F13A1: variants seen among roughly 807,000 people sequenced by gnomAD.
The protein encoded by F13A1 is coagulation factor XIII A chain, also known as FSF, A subunit.
Under a neutral mutation model 80.1 loss-of-function variants are expected in F13A1, and 47 were observed. The ratio of observed to expected loss-of-function variants is 0.59; its 90% confidence interval spans 0.46 to 0.75. The LOEUF is 0.75. Ranked by LOEUF, F13A1 falls within the 30% of genes least tolerant of loss-of-function variation. The probability of loss-of-function intolerance (pLI) is 0.00; values close to 1 mark genes in which losing one functional copy is unlikely to be tolerated. For synonymous variants in F13A1, 349 were observed against 344.9 expected (o/e 1.01, Z -0.13); for missense variants, 817 against 930.4 (o/e 0.88, Z 1.59).
rs534616313 is a variant in F13A1 at position 6,145,484 on chromosome 6, C to T, written c.*135G>A. ...CATGTTTTTGAAATATGTGGGATCTCCACTCTGGAGCCCTCTGCAGTCCTG... is the reference window on the plus strand; with the variant it reads ...CATGTTTTTGAAATATGTGGGATCTTCACTCTGGAGCCCTCTGCAGTCCTG... On this transcript the variant is annotated 3_prime_UTR_variant, in exon 15 of 15. Coordinates refer to ENST00000264870, the MANE Select transcript of F13A1 (RefSeq NM_000129.4). 1 of 1,103,702 alleles carries T rather than the reference C, an allele frequency of 9.1e-7. No individual in the cohort carries two copies. Among genetic ancestry groups the T allele is most frequent in the East Asian group, 2.4e-5 (1 of 41,492 alleles). The allele number at this position is 1,103,702 out of a possible 1,614,324, so 68.4% of individuals were successfully genotyped here.
Position 6,317,390 on chromosome 6 carries a change from C to T in F13A1, c.130+1145G>A, listed in dbSNP as rs759048972. ...GAGACAGATTTCAGAACTACAAGTTCGTCTTAGCCCCTCAAACTCTACCAC... is the reference window on the plus strand; with the variant it reads ...GAGACAGATTTCAGAACTACAAGTTTGTCTTAGCCCCTCAAACTCTACCAC... On this transcript the variant is annotated intron_variant, in intron 2 of 14. Coordinates refer to ENST00000264870, the MANE Select transcript of F13A1 (RefSeq NM_000129.4). Among the ~76,000 whole-genome samples, 36 of 152,106 alleles carry T rather than the reference C, an allele frequency of 2.4e-4. 1 individual carries two copies. Among genetic ancestry groups the T allele is most frequent in the African/African-American group, 1.4e-4 (6 of 41,426 alleles).
chr6:6,196,625 C>T (rs984129973), intron 9 of F13A1, among the ~76,000 whole-genome samples: 2 of 152,078 alleles, frequency 1.3e-5, no homozygotes, highest in Non-Finnish European at 2.9e-5. Context: ...ACATAATATC[C>T]ACAGTCTACT....
chr6:6,155,988 A>G (rs1760469527), intron 13 of F13A1, among the ~76,000 whole-genome samples: 1 of 152,222 alleles, frequency 6.6e-6, no homozygotes, highest in Admixed American at 6.5e-5. Flanking sequence ...CAGGCAATTT[A>G]GAGAAGGTTA....
intron 3 of F13A1, among the ~76,000 whole-genome samples, chr6:6,284,167 GATGGCTATAAACACAAGC>G (rs1306237322): frequency 5.3e-5 from 8 of 152,112 alleles, no homozygotes; most frequent in African/African-American, 1.7e-4. Flanking sequence ...ATTTTGTCTT[GATGGCTATAAACACAAGC>G]ACTGTCTTTA....
intron 6 of F13A1, among the ~76,000 whole-genome samples, chr6:6,242,416 A>G (rs1757495129): frequency 6.6e-6 from 1 of 152,238 alleles, no homozygotes; most frequent in Admixed American, 6.5e-5. Flanking sequence ...GTTCGATATT[A>G]GCAAAAGGCC....
chr6:6,266,772 TGGGATG>T lies in F13A1; in HGVS notation c.351_356del (p.Tyr117_Pro119delinsTer). ...TTTGTAACTCTGAGACTATAGGCACTGGGATGTAGGTTCCCTTGTTCTCCTGTGGGT... is the reference window on the plus strand; with the variant it reads ...TTTGTAACTCTGAGACTATAGGCACTTAGGTTCCCTTGTTCTCCTGTGGGT... On this transcript the variant is annotated stop_gained and inframe_deletion, in exon 4 of 15. Transcript: ENST00000264870. LOFTEE classifies it high-confidence loss of function. 6.2e-7 allele frequency: 1 copy of T among 1,614,196 alleles called. No homozygotes were observed. The highest frequency in any genetic ancestry group is 8.5e-7 in the Non-Finnish European group (1 of 1,180,026).
At chr6:6,276,703 C>T (rs890242243) in intron 3 of F13A1, among the ~76,000 whole-genome samples, 2 of 152,280 alleles carry the variant, frequency 1.3e-5, no homozygotes, top group South Asian at 2.1e-4. Context: ...AATGAACCCT[C>T]TCAGTGCATT....
At chr6:6,227,606 T>C (rs1310243213) in intron 6 of F13A1, among the ~76,000 whole-genome samples, 2 of 152,166 alleles carry the variant, frequency 1.3e-5, no homozygotes, top group African/African-American at 4.8e-5. Flanking sequence ...GGTTTGGTCT[T>C]TGTGGGTAGG....
intron 3 of F13A1, among the ~76,000 whole-genome samples, chr6:6,297,651 A>G (rs1394988213): frequency 6.7e-6 from 1 of 149,138 alleles, no homozygotes; most frequent in African/African-American, 2.6e-5. Flanking sequence ...TTTCTTTATT[A>G]GTCTTGTTAG....
chr6:6,248,117 C>A (rs777626775), intron 6 of F13A1, among the ~76,000 whole-genome samples, 195 bp downstream of exon 6: 3 of 152,116 alleles, frequency 2.0e-5, no homozygotes, highest in Non-Finnish European at 2.9e-5. Context: ...AGTATTGAGA[C>A]GATAATTTTG....
chr6:6,266,593 G>C lies in F13A1; in HGVS notation c.536C>G (p.Thr179Arg), dbSNP rs1757847669. Residue 179 changes from threonine (T) to arginine (R), a missense_variant, in exon 4 of 15, where the codon ACA becomes AGA. Physicochemically the swap from Thr to Arg is moderately conservative, Grantham distance 71. Coordinates refer to ENST00000264870, the MANE Select transcript of F13A1 (RefSeq NM_000129.4). ...GVLRTSRNPE[T>R]DTYILFNPWC... ...AGGATTGAAGAGAATGTACGTGTCT[G>C]TTTCTGGGTTTCGACTGGTTCGAAG... is the stretch of plus-strand genomic sequence containing the variant. 1 of 1,614,210 alleles carries C rather than the reference G, an allele frequency of 6.2e-7. No homozygotes were observed.
intron 3 of F13A1, among the ~76,000 whole-genome samples, chr6:6,301,322 G>C (rs552563812): frequency 6.6e-6 from 1 of 152,124 alleles, no homozygotes; most frequent in African/African-American, 2.4e-5. Context: ...GTCCTTCCAC[G>C]CCCCTCGAAG....
At chr6:6,190,825 C>G (rs1173784788) in intron 10 of F13A1, among the ~76,000 whole-genome samples, 7 of 151,848 alleles carry the variant, frequency 4.6e-5, no homozygotes, top group African/African-American at 9.7e-5. Context: ...CCCCCAGCCT[C>G]GCTGCCGCCT....
At chr6:6,171,666 A>G (rs1031136441) in intron 12 of F13A1, among the ~76,000 whole-genome samples, 1 of 152,220 alleles carries the variant, frequency 6.6e-6, no homozygotes, top group African/African-American at 2.4e-5. Context: ...AAGTTAGATT[A>G]TGCCACATTT....
At chr6:6,163,756 A>G (rs991728395) in intron 13 of F13A1, among the ~76,000 whole-genome samples, 2 of 152,190 alleles carry the variant, frequency 1.3e-5, no homozygotes, top group African/African-American at 4.8e-5. Flanking sequence ...GCTATTGTGA[A>G]TAGTGCTGCA....
In F13A1 at chr6:6,250,858, A is replaced by G; in HGVS notation, c.643T>C (p.Tyr215His). 1.9e-6 allele frequency: 3 copies of G among 1,613,514 alleles called. No individual in the cohort carries two copies. The highest frequency in any genetic ancestry group is 2.5e-6 in the Non-Finnish European group (3 of 1,179,662). ...YVLNDIGVIF[Y>H]GEVNDIKTRS... ...GTCTTGATGTCATTGACCTCTCCAT[A>G]AAAAATTACCCCGATGTCATTCAGG... The change falls in exon 5 of 15, where the codon TAT becomes CAT. Residue 215 changes from tyrosine (Y) to histidine (H), a missense_variant. Tyr to His is a moderately conservative substitution (Grantham distance 83). Coordinates refer to ENST00000264870, the MANE Select transcript of F13A1 (RefSeq NM_000129.4). The surrounding 1 kb of genome is among the most constrained non-coding windows in gnomAD (Gnocchi z 4.2).
At chr6:6,316,308 A>G (rs1019182406) in intron 2 of F13A1, among the ~76,000 whole-genome samples, 1 of 151,360 alleles carries the variant, frequency 6.6e-6, no homozygotes, top group Non-Finnish European at 1.5e-5. Flanking sequence ...TAATGCCACT[A>G]GAGCTATGAG....
At chr6:6,177,523 T>C (rs1480230108) in intron 11 of F13A1, among the ~76,000 whole-genome samples, 1 of 152,218 alleles carries the variant, frequency 6.6e-6, no homozygotes, top group African/African-American at 2.4e-5. Context: ...GGATTGAGGT[T>C]TGGAGAAGCA....
intron 8 of F13A1, among the ~76,000 whole-genome samples, chr6:6,215,333 T>C (rs1761703541): frequency 9.0e-6 from 1 of 110,946 alleles, no homozygotes; most frequent in Non-Finnish European, 1.9e-5. Context: ...TTATCCACCA[T>C]GATCAAGTGG....
Sources: gnomAD v4.1 joint callset for allele counts (sites outside exome capture counted in the v4.1 genomes callset) on GRCh38, gnomAD v4.1.1 for gene constraint, Gnocchi (gnomAD v3.1) non-coding constraint, MANE v1.5 for transcripts, NCBI Gene and HGNC (gene_info 2026-07-23, HGNC 2026-07-21) for gene names.